FOLH1: variants seen among roughly 807,000 people sequenced by gnomAD.
FOLH1 encodes the protein glutamate carboxypeptidase 2.
In FOLH1, 54 loss-of-function variants were observed where a neutral mutation model predicts 93.9. The ratio of observed to expected loss-of-function variants is 0.57; its 90% CI spans 0.46 to 0.72. The LOEUF is 0.72. FOLH1 is among the 30% of genes least tolerant of loss of function. FOLH1 has a pLI of 0.00. For missense variants in FOLH1, 571 were observed against 892.5 expected, an observed-to-expected ratio of 0.64 and a Z score of 4.59; for synonymous variants, 249 against 303.6, an observed-to-expected ratio of 0.82 and a Z score of 1.87.
intron 13 of FOLH1, among the ~76,000 whole-genome samples, chr11:49,159,324 T>C (rs1857383406): frequency 6.6e-6 from 1 of 152,234 alleles, no homozygotes; most frequent in Non-Finnish European, 1.5e-5. Flanking sequence ...AGTTTATTGA[T>C]AGTTTTTAAC....
At chr11:49,185,926 A>G in intron 5 of FOLH1, 71 bp from the exon 6 acceptor site, 1 of 1,477,828 alleles carries the variant, frequency 6.8e-7, no homozygotes, top group Admixed American at 2.6e-5. Flanking sequence ...TCAATTTTCA[A>G]TATTACACTT....
chr11:49,204,077 C>T (rs994475181), intron 2 of FOLH1, among the ~76,000 whole-genome samples: 1 of 152,204 alleles, frequency 6.6e-6, no homozygotes. Flanking sequence ...TCAGATGGGC[C>T]TGTGTATACT....
At chr11:49,186,562 A>C (rs944034931) in intron 5 of FOLH1, 82 bp downstream of exon 5, 1 of 1,450,458 alleles carries the variant, frequency 6.9e-7, no homozygotes, top group Non-Finnish European at 9.3e-7. Flanking sequence ...ATAAAGTTTT[A>C]AGAAAATGAT....
chr11:49,164,847 A>T lies in FOLH1; in HGVS notation c.1373-75T>A, dbSNP rs1385652610. The stretch of plus-strand genomic sequence containing the variant: ...TTATTTTCTTCAAAGACCACTGCTA[A>T]ATTCCTACCAGAATGATTGTTTTAA... On this transcript the variant is annotated intron_variant, in intron 12 of 18. Transcript: ENST00000256999. 1.1e-5 allele frequency: 12 copies of T among 1,113,134 alleles called. No homozygotes were observed. The East Asian group carries it at 2.9e-4, about 27-fold the overall frequency. 69.0% of individuals were successfully genotyped at this position (1,113,134 alleles called of 1,614,324 possible).
In FOLH1 at chr11:49,154,377, C is replaced by T. The variant is rs1320150009; in HGVS notation, c.1739G>A (p.Arg580Gln). Residue 580 changes from arginine to glutamine, a missense_variant, in exon 16 of 19, where the codon CGA (arginine) becomes CAA (glutamine). Transcript: ENST00000256999. ...GGCTAGCTCAAACACCATCCCTCCT[C>T]GAACCTGGGCCACAGTGAGGTGATA... Reference protein sequence around the residue: ...FKYHLTVAQVRGGMVFELANS... With the variant: ...FKYHLTVAQVQGGMVFELANS... 6.8e-6 allele frequency: 11 copies of T among 1,613,300 alleles called. No homozygotes were observed. Among genetic ancestry groups the T allele is most frequent in the East Asian group, 4.5e-5 (2 of 44,822 alleles).
intron 3 of FOLH1, among the ~76,000 whole-genome samples, chr11:49,197,167 A>G (rs113560349): frequency 0.013 from 1,963 of 152,340 alleles, 45 homozygotes; most frequent in African/African-American, 0.045. Context: ...CAAAGTCATT[A>G]TATAAGCATG....
chr11:49,180,254 C>T (rs557488561), intron 7 of FOLH1, among the ~76,000 whole-genome samples: 1 of 152,156 alleles, frequency 6.6e-6, no homozygotes, highest in South Asian at 2.1e-4. Flanking sequence ...AGTGCTAAAG[C>T]GTAATTAGCC....
intron 13 of FOLH1, among the ~76,000 whole-genome samples, chr11:49,161,618 C>T (rs147054475): frequency 2.0e-5 from 3 of 152,266 alleles, no homozygotes; most frequent in African/African-American, 7.2e-5. Context: ...TGTATTTAGA[C>T]CATTTACATA....
chr11:49,192,035 T>A (rs1264863978), intron 4 of FOLH1, among the ~76,000 whole-genome samples: 6 of 152,224 alleles, frequency 3.9e-5, no homozygotes, highest in African/African-American at 9.6e-5. Context: ...CACTTCACAC[T>A]TCAACTTCTT....
Position 49,208,335 on chromosome 11 carries a change from C to T in FOLH1, c.75G>A (p.Ala25=), listed in dbSNP as rs1454921975. 6.3e-7 allele frequency: 1 copy of T among 1,595,512 alleles called. No individual in the cohort carries two copies. The highest frequency in any genetic ancestry group is 8.5e-7 in the Non-Finnish European group (1 of 1,169,678). ...GAAAGAAGCCACCCGCCAGCACCAGCGCCCCAGCGCACAGCCAGCGCGGGC... is the reference window on the plus strand; with the variant it reads ...GAAAGAAGCCACCCGCCAGCACCAGTGCCCCAGCGCACAGCCAGCGCGGGC... ...ARRPRWLCAG[A]LVLAGGFFLL... is the part of the protein sequence containing the mutation. The change falls in exon 1 of 19, where the codon GCG becomes GCA. Residue 25 remains alanine (A), a synonymous_variant. Transcript: ENST00000256999.
At position 49,208,491 on chromosome 11, in the gene FOLH1, G is replaced by A. The variant is rs2135371730; in HGVS notation, c.-82C>T. On this transcript the variant is annotated 5_prime_UTR_variant, in exon 1 of 19. Transcript: ENST00000256999. ...CGCGCCCTCCAACCACCACGGCGGG[G>A]TAAAGTCTCTCTCAATCTCACTAAT... The A allele has an allele frequency of 1.1e-6, 1 of 951,576 alleles. No homozygotes were observed. Among genetic ancestry groups the A allele is most frequent in the East Asian group, 2.6e-5 (1 of 38,084 alleles). The allele number at this position is 951,576 out of a possible 1,614,324, so 58.9% of individuals were successfully genotyped here. A position where few individuals can be genotyped will look rare whatever the true frequency, so the allele number is the denominator to read the frequency against.
intron 6 of FOLH1, among the ~76,000 whole-genome samples, chr11:49,183,515 C>A (rs1362177870): frequency 1.3e-5 from 2 of 152,068 alleles, no homozygotes; most frequent in African/African-American, 4.8e-5. Context: ...CAATTCCACT[C>A]CTGGGTACTC....
intron 11 of FOLH1, among the ~76,000 whole-genome samples, chr11:49,170,887 AACTC>A (rs1195739789): frequency 2.8e-4 from 42 of 152,306 alleles, no homozygotes; most frequent in Middle Eastern, 3.4e-3. Context: ...TTAAGAAACT[AACTC>A]CTTGTTTTGA....
At chr11:49,151,154 A>G (rs1590404820) in intron 17 of FOLH1, among the ~76,000 whole-genome samples, 1 of 152,324 alleles carries the variant, frequency 6.6e-6, no homozygotes, top group East Asian at 1.9e-4. Flanking sequence ...GGAAAATAGG[A>G]ACAACTTAAA....
At chr11:49,190,795 A>G (rs1861942956) in intron 4 of FOLH1, among the ~76,000 whole-genome samples, 1 of 152,212 alleles carries the variant, frequency 6.6e-6, no homozygotes, top group African/African-American at 2.4e-5. Flanking sequence ...TCAGACGTAA[A>G]TTCAAAGATT....
At position 49,208,582 on chromosome 11, in the gene FOLH1, G is replaced by T; in HGVS notation, c.-173C>A. ...CCTGGGGTCCAGTTTCTCCACCACAGCAGTGTTTCTAGAGTGCACTGAACC... is the reference window on the plus strand; with the variant it reads ...CCTGGGGTCCAGTTTCTCCACCACATCAGTGTTTCTAGAGTGCACTGAACC... On this transcript the variant is annotated 5_prime_UTR_variant, in exon 1 of 19. The change creates a new upstream start codon in the 5' untranslated region. Coordinates refer to ENST00000256999, the MANE Select transcript of FOLH1 (RefSeq NM_004476.3). 1.9e-6 allele frequency: 1 copy of T among 518,510 alleles called. No individual in the cohort carries two copies. The highest frequency in any genetic ancestry group is 3.4e-6 in the Non-Finnish European group (1 of 292,292). The allele number at this position is 518,510 out of a possible 1,614,324, so 32.1% of individuals were successfully genotyped here. A position where few individuals can be genotyped will look rare whatever the true frequency, so the allele number is the denominator to read the frequency against.
intron 3 of FOLH1, among the ~76,000 whole-genome samples, chr11:49,199,926 A>T (rs1565213344): frequency 1.3e-5 from 2 of 151,834 alleles, no homozygotes; most frequent in Non-Finnish European, 2.9e-5. Flanking sequence ...AAAAAAAAAG[A>T]AAAAAAGAAT....
chr11:49,207,977 G>C, intron 1 of FOLH1: 1 of 464,126 alleles, frequency 2.2e-6, no homozygotes, highest in South Asian at 2.1e-5. Context: ...CAAAACAAAA[G>C]CAAAAAAAAA....
chr11:49,179,284 A>G (rs1279064631), intron 7 of FOLH1, among the ~76,000 whole-genome samples: 1 of 152,244 alleles, frequency 6.6e-6, no homozygotes, highest in Non-Finnish European at 1.5e-5. Flanking sequence ...AAATTGAAAA[A>G]TAGTGTAACT....
Sources: gnomAD v4.1 joint callset for allele counts (sites outside exome capture counted in the v4.1 genomes callset) on GRCh38, gnomAD v4.1.1 for gene constraint, MANE v1.5 for transcripts, NCBI Gene and HGNC (gene_info 2026-07-23, HGNC 2026-07-21) for gene names.